RBM33: variants seen among roughly 807,000 people sequenced by gnomAD.
RBM33 encodes RNA-binding protein 33.
Under a neutral mutation model 132.6 loss-of-function variants are expected in RBM33, and 28 were observed. That is an observed-to-expected ratio of 0.21 (90% CI 0.16 to 0.29). RBM33 has a LOEUF of 0.29. Among genes scored for constraint, RBM33 ranks in the 10% least tolerant of loss-of-function variants. The pLI is 1.00. For synonymous variants in RBM33, 634 were observed against 593.0 expected, an observed-to-expected ratio of 1.07 and a Z score of -1.01; for missense variants, 1,291 against 1,518.5, an observed-to-expected ratio of 0.85 and a Z score of 2.49.
chr7:155,674,128 C>G (rs1799109488), intron 3 of RBM33, among the ~76,000 whole-genome samples: 1 of 151,682 alleles, frequency 6.6e-6, no homozygotes, highest in Admixed American at 6.6e-5. Context: ...GTCATCACTT[C>G]TAACACTTAA....
Position 155,711,226 on chromosome 7 carries a change from A to C in RBM33, c.972A>C (p.Pro324=), listed in dbSNP as rs7800753. 1.3e-6 allele frequency: 2 copies of C among 1,579,150 alleles called. No individual in the cohort carries two copies. Among genetic ancestry groups the C allele is most frequent in the South Asian group, 1.1e-5 (1 of 87,586 alleles). Residue 324 remains proline (P), a synonymous_variant, in exon 8 of 18, where the codon CCA becomes CCC. Transcript: ENST00000401878. ...AGCCCCAGGCTCCCCCTCCACCGCC[A>C]CCGCCGCCTCAGCAGCAGCCGATCA... The part of the protein sequence containing the change: ...PVVPQAPPPP[P]PPPQQQPIRS...
intron 1 of RBM33, among the ~76,000 whole-genome samples, chr7:155,652,067 T>A (rs1256848878): frequency 6.6e-6 from 1 of 152,214 alleles, no homozygotes; most frequent in East Asian, 1.9e-4. Flanking sequence ...ATTACCTGAT[T>A]TGTAGTTAAT....
In RBM33 at chr7:155,680,962, G is replaced by C. The variant is rs894800216; in HGVS notation, c.567+54G>C. On this transcript the variant is annotated intron_variant, in intron 5 of 17. Transcript: ENST00000401878. ...AGATAACCTGGCTTCCCATGCATAG[G>C]CTTCTAGACTGATTTGAAATCTATT... The C allele has an allele frequency of 2.1e-5, 30 of 1,407,014 alleles. No individual in the cohort carries two copies. In the East Asian group the frequency reaches 3.9e-4, roughly 18 times the overall value. The allele number at this position is 1,407,014 out of a possible 1,614,324, so 87.2% of individuals were successfully genotyped here. A position where few individuals can be genotyped will look rare whatever the true frequency, so the allele number is the denominator to read the frequency against.
intron 1 of RBM33, among the ~76,000 whole-genome samples, chr7:155,664,239 A>ATG (rs757645840): frequency 0.051 from 7,412 of 146,358 alleles, 263 homozygotes; most frequent in Non-Finnish European, 0.071. Flanking sequence ...ACTTATATAT[A>ATG]TATATGTGTG....
intron 7 of RBM33, among the ~76,000 whole-genome samples, chr7:155,707,966 T>G (rs974518657): frequency 6.6e-6 from 1 of 152,196 alleles, no homozygotes; most frequent in Non-Finnish European, 1.5e-5. Context: ...AACCTATTCT[T>G]TCATTTAAGT....
intron 13 of RBM33, among the ~76,000 whole-genome samples, 181 bp from the exon 14 acceptor site, chr7:155,744,780 G>A (rs991875810): frequency 2.0e-5 from 3 of 151,952 alleles, no homozygotes; most frequent in Non-Finnish European, 4.4e-5. Context: ...TAGCTGTGTG[G>A]TTTTTTTCCC....
At chr7:155,685,128 G>A (rs1799439888) in intron 5 of RBM33, 15 of 1,439,044 alleles carry the variant, frequency 1.0e-5, no homozygotes, top group Non-Finnish European at 1.3e-5. Flanking sequence ...CATCTTTTTA[G>A]CATTAGCGAA....
Position 155,737,645 on chromosome 7 carries a change from A to G in RBM33, c.1376A>G (p.Asp459Gly). The G allele has an allele frequency of 1.3e-6, 2 of 1,591,084 alleles. No individual in the cohort carries two copies. Among genetic ancestry groups the G allele is most frequent in the Non-Finnish European group, 1.7e-6 (2 of 1,172,168 alleles). The change falls in exon 10 of 18, where the codon GAC (aspartate) becomes GGC (glycine). Residue 459 changes from aspartate to glycine, a missense_variant. Physicochemically the swap from Asp to Gly is moderately conservative, Grantham distance 94. Coordinates refer to ENST00000401878, the MANE Select transcript of RBM33 (RefSeq NM_053043.3). ...GCCCCACCCCCGCCTCAGGATCGAG[A>G]CCCTTTCTTCTTAGGAGGTACAGAA... ...WRAPPPPQDRDPFFLGVSGEP... is the reference protein window; with the variant it reads ...WRAPPPPQDRGPFFLGVSGEP...
intron 9 of RBM33, among the ~76,000 whole-genome samples, chr7:155,731,084 T>C (rs1800941512): frequency 6.6e-6 from 1 of 152,228 alleles, no homozygotes; most frequent in East Asian, 1.9e-4. Context: ...GATCACAACC[T>C]GTGGCAAAGT....
intron 8 of RBM33, among the ~76,000 whole-genome samples, chr7:155,712,740 A>G (rs1161721566): frequency 6.6e-6 from 1 of 152,236 alleles, no homozygotes; most frequent in Non-Finnish European, 1.5e-5. Flanking sequence ...AAAGGAGACC[A>G]GCGTGACTTT....
chr7:155,671,267 A>G (rs966534927), intron 2 of RBM33, among the ~76,000 whole-genome samples: 6 of 152,214 alleles, frequency 3.9e-5, no homozygotes, highest in African/African-American at 1.2e-4. Flanking sequence ...GGAAGAAGCT[A>G]TATGTTATTC....
At chr7:155,749,153 G>A (rs781719632) in intron 14 of RBM33, among the ~76,000 whole-genome samples, 62 of 152,256 alleles carry the variant, frequency 4.1e-4, no homozygotes, top group Middle Eastern at 3.4e-3. Flanking sequence ...TCTGCAAGTG[G>A]GGTTAGTAAG....
intron 2 of RBM33, among the ~76,000 whole-genome samples, chr7:155,669,209 T>A (rs1563135287): frequency 6.6e-6 from 1 of 152,210 alleles, no homozygotes; most frequent in Admixed American, 6.5e-5. Flanking sequence ...TATGGTAAGT[T>A]CTTCTGCCAT....
At chr7:155,647,482 G>C (rs781621629) in intron 1 of RBM33, among the ~76,000 whole-genome samples, 2 of 152,058 alleles carry the variant, frequency 1.3e-5, no homozygotes, top group African/African-American at 2.4e-5. Flanking sequence ...CCAGACTGGA[G>C]TGCAGTCGTA....
At position 155,673,942 on chromosome 7, in the gene RBM33, T is replaced by TGTTTTTTG. The variant is rs780547846; in HGVS notation, c.171+1027_171+1028insGTTTTTTG. 3.4e-3 allele frequency among the ~76,000 whole-genome samples: 107 copies of TGTTTTTTG among 31,420 alleles called. 14 individuals carry two copies. The highest frequency in any genetic ancestry group is 8.7e-3 in the African/African-American group (104 of 12,020). 20.6% of individuals were successfully genotyped at this position (31,420 alleles called of 152,430 possible). Reference sequence around the variant, plus strand: ...ATTATCAAGATAGTTTAGGCTTAGTTTTTTTTTTTTTTTTTTTTTTTTTTT... The same window carrying TGTTTTTTG: ...ATTATCAAGATAGTTTAGGCTTAGTTGTTTTTTGTTTTTTTTTTTTTTTTTTTTTTTTT... On this transcript the variant is annotated intron_variant, in intron 3 of 17. Coordinates refer to ENST00000401878, the MANE Select transcript of RBM33 (RefSeq NM_053043.3).
At chr7:155,707,741 A>G (rs1043961982) in intron 7 of RBM33, among the ~76,000 whole-genome samples, 10 of 151,970 alleles carry the variant, frequency 6.6e-5, no homozygotes, top group African/African-American at 2.2e-4. Flanking sequence ...ACTGCAACCT[A>G]CACCTCCTGG....
At chr7:155,686,443 T>C (rs1311853580) in intron 5 of RBM33, among the ~76,000 whole-genome samples, 1 of 152,160 alleles carries the variant, frequency 6.6e-6, no homozygotes, top group African/African-American at 2.4e-5. Context: ...CGGTGCCTGT[T>C]AATTCCATGT....
chr7:155,765,768 G>GT (rs1802195125), intron 15 of RBM33, among the ~76,000 whole-genome samples: 3 of 152,218 alleles, frequency 2.0e-5, no homozygotes, highest in African/African-American at 7.2e-5. Context: ...TTGAGCAGTA[G>GT]TTTTGAACCC....
At chr7:155,668,089 G>C (rs896276562) in intron 2 of RBM33, among the ~76,000 whole-genome samples, 3 of 152,054 alleles carry the variant, frequency 2.0e-5, no homozygotes, top group Non-Finnish European at 4.4e-5. Flanking sequence ...AAATATCTTA[G>C]TGTTTACATT....
Sources: allele counts gnomAD v4.1 joint callset (sites outside exome capture counted in the v4.1 genomes callset), GRCh38; gene constraint gnomAD v4.1.1; transcripts MANE v1.5; gene names NCBI Gene and HGNC (gene_info 2026-07-23, HGNC 2026-07-21).